Variants in TSC2 observed in about 807,000 individuals in gnomAD.
The protein encoded by TSC2 is tuberin.
In TSC2, 29 loss-of-function variants were observed where a neutral mutation model predicts 202.2. The ratio of observed to expected loss-of-function variants is 0.14; its 90% CI spans 0.11 to 0.20. The LOEUF (loss-of-function observed/expected upper bound fraction) is 0.20. Ranked by LOEUF, TSC2 falls within the 10% of genes least tolerant of loss-of-function variation. The pLI is 1.00. For synonymous variants in TSC2, 1,349 were observed against 1,044.0 expected, an observed-to-expected ratio of 1.29 and a Z score of -5.63; for missense variants, 2,429 against 2,420.0, an observed-to-expected ratio of 1.00 and a Z score of -0.08.
chr16:2,086,937 T>TGGCA (rs1445159213), intron 38 of TSC2, 66 bp downstream of exon 38: 3 of 1,546,086 alleles, frequency 1.9e-6, no homozygotes, highest in Admixed American at 3.9e-5. Context: ...CCCGGGTTGG[T>TGGCA]GGCAGGTCCT....
intron 33 of TSC2, 122 bp downstream of exon 33, chr16:2,083,938 C>T: frequency 6.9e-7 from 1 of 1,450,054 alleles, no homozygotes; most frequent in Non-Finnish European, 9.1e-7. Flanking sequence ...GATGTTCTTC[C>T]ACATCCCTCG....
Position 2,081,552 on chromosome 16 carries a change from G to T in TSC2, c.3611-43G>T. On this transcript the variant is annotated intron_variant, in intron 30 of 41. Coordinates refer to ENST00000219476, the MANE Select transcript of TSC2 (RefSeq NM_000548.5). The stretch of plus-strand genomic sequence containing the variant: ...CCCTGGGGGGCCAGAGATGGGTAAG[G>T]GGAGGTACTGGCCTCAGGCCAAAGG... 5.6e-6 allele frequency: 9 copies of T among 1,611,946 alleles called. No homozygotes were observed. The South Asian group carries it at 9.9e-5, about 18-fold the overall frequency.
At chr16:2,085,084 G>A (rs1459653139) in intron 35 of TSC2, 58 bp downstream of exon 35, 5 of 1,607,320 alleles carry the variant, frequency 3.1e-6, no homozygotes, top group Non-Finnish European at 4.3e-6. Flanking sequence ...GGTGAATGGT[G>A]GGGGGCCCAG....
At position 2,081,495 on chromosome 16, in the gene TSC2, T is replaced by C. The variant is rs370512781; in HGVS notation, c.3611-100T>C. 1.5e-5 allele frequency: 22 copies of C among 1,481,246 alleles called. No individual in the cohort carries two copies. In the African/African-American group the frequency reaches 2.8e-4, roughly 19 times the overall value. 91.8% of individuals were successfully genotyped at this position (1,481,246 alleles called of 1,614,324 possible). A position where few individuals can be genotyped will look rare whatever the true frequency, so the allele number is the denominator to read the frequency against. On this transcript the variant is annotated intron_variant, in intron 30 of 41. Transcript: ENST00000219476. Reference sequence around the variant, plus strand: ...GTCCTGAGGATTGTGGGAGGGAGCATGAGGGCAAAACCAGGGCCCAGGCCA... The same window carrying C: ...GTCCTGAGGATTGTGGGAGGGAGCACGAGGGCAAAACCAGGGCCCAGGCCA...
At chr16:2,077,243 G>A (rs764945137) in intron 25 of TSC2, among the ~76,000 whole-genome samples, 3 of 152,208 alleles carry the variant, frequency 2.0e-5, no homozygotes, top group South Asian at 2.1e-4. Context: ...AGAGCTGGGC[G>A]GTGCCTGCCT....
At chr16:2,083,339 G>C (rs1040722471) in intron 32 of TSC2, 20 of 462,382 alleles carry the variant, frequency 4.3e-5, no homozygotes, top group Non-Finnish European at 7.7e-5. Flanking sequence ...CCTCGGTTAC[G>C]AGGGCTGGTT....
chr16:2,080,036 G>A, intron 29 of TSC2, 129 bp from the exon 30 acceptor site: 2 of 1,302,976 alleles, frequency 1.5e-6, no homozygotes, highest in Non-Finnish European at 2.2e-6. Flanking sequence ...GTGCCCCAAG[G>A]GCAGAGCTGC....
Position 2,079,702 on chromosome 16 carries a change from C to T in TSC2, c.3397+33C>T, listed in dbSNP as rs1207925804. On this transcript the variant is annotated intron_variant, in intron 29 of 41. Transcript: ENST00000219476. The surrounding 1 kb of genome is among the most constrained non-coding windows in gnomAD (Gnocchi z 4.6). Reference sequence around the variant, plus strand: ...TTGGCCCCAGCCACCTCCACACAGGCACCGGGGCTCCCTCAGTTGCTGCTG... The same window carrying T: ...TTGGCCCCAGCCACCTCCACACAGGTACCGGGGCTCCCTCAGTTGCTGCTG... 2.2e-5 allele frequency: 34 copies of T among 1,544,140 alleles called. No homozygotes were observed. The highest frequency in any genetic ancestry group is 4.1e-5 in the African/African-American group (3 of 73,232).
chr16:2,066,770 C>T (rs904599393), intron 16 of TSC2, among the ~76,000 whole-genome samples: 1 of 148,844 alleles, frequency 6.7e-6, no homozygotes, highest in East Asian at 2.0e-4. Context: ...AGGCGATTCT[C>T]CTACCTCAGC....
rs45487103 is a variant in TSC2 at position 2,079,230 on chromosome 16, C to T, written c.3131+34C>T. On this transcript the variant is annotated intron_variant, in intron 27 of 41. Coordinates refer to ENST00000219476, the MANE Select transcript of TSC2 (RefSeq NM_000548.5). This position sits in a 1 kb window ranked among gnomAD's most constrained non-coding sequence, Gnocchi z 4.6. ...GGCACTACAGGGCTGGGCGGGCCTGCGGGAGCTCCACGGGCAAGCTGGGTT... is the reference window on the plus strand; with the variant it reads ...GGCACTACAGGGCTGGGCGGGCCTGTGGGAGCTCCACGGGCAAGCTGGGTT... The T allele has an allele frequency of 9.3e-4, 1,503 of 1,612,884 alleles. 3 individuals are homozygous for T. The highest frequency in any genetic ancestry group is 1.1e-3 in the Non-Finnish European group (1,309 of 1,180,012).
chr16:2,086,748 C>T lies in TSC2; in HGVS notation c.4866C>T (p.Ala1622=), dbSNP rs775723717. ...DDIMQAVFHI[A]TLMPTKDVDK... ...CACCCTCAGCCGTCTTCCACATCGC[C>T]ACCCTGATGCCCACCAAGGACGTGG... The change falls in exon 38 of 42, where the codon GCC becomes GCT. Residue 1622 remains alanine, a synonymous_variant. Transcript: ENST00000219476. 8.1e-6 allele frequency: 13 copies of T among 1,610,852 alleles called. No homozygotes were observed. The highest frequency in any genetic ancestry group is 4.5e-5 in the East Asian group (2 of 44,886).
At chr16:2,068,519 G>T (rs192276094) in intron 16 of TSC2, 4 of 152,282 alleles carry the variant, frequency 2.6e-5, no homozygotes, top group Admixed American at 1.3e-4. Flanking sequence ...GTCTATTAAT[G>T]TACAGCTCGT....
At chr16:2,082,569 C>A in intron 32 of TSC2, 65 bp downstream of exon 32, 1 of 1,569,910 alleles carries the variant, frequency 6.4e-7, no homozygotes, top group South Asian at 1.1e-5. Context: ...GTGCTGTGCT[C>A]GTCGCCTCAT....
chr16:2,056,846 T>C, intron 8 of TSC2, 77 bp downstream of exon 8: 60 of 1,595,586 alleles, frequency 3.8e-5, no homozygotes, highest in Non-Finnish European at 5.1e-5. Context: ...CTCCCATGAA[T>C]GGTTGTCTGA....
rs2151585097 is a variant in TSC2 at position 2,086,761 on chromosome 16, A to G, written c.4879A>G (p.Thr1627Ala). 1.2e-6 allele frequency: 2 copies of G among 1,611,140 alleles called. No individual in the cohort carries two copies. Among genetic ancestry groups the G allele is most frequent in the Non-Finnish European group, 1.7e-6 (2 of 1,179,948 alleles). Residue 1627 changes from threonine to alanine, a missense_variant, in exon 38 of 42, where the codon ACC becomes GCC. Transcript: ENST00000219476. ...CTTCCACATCGCCACCCTGATGCCC[A>G]CCAAGGACGTGGACAAGCACCGCTG... is the stretch of plus-strand genomic sequence containing the variant. ...AVFHIATLMP[T>A]KDVDKHRCDK... is the part of the protein sequence containing the mutation.
intron 11 of TSC2, chr16:2,061,124 G>C (rs2086585168): frequency 2.3e-6 from 1 of 434,234 alleles, no homozygotes; most frequent in Admixed American, 3.5e-5. Flanking sequence ...CCCCGGCACA[G>C]TTCCCAGAGG....
chr16:2,049,729 G>A (rs2084858733), intron 2 of TSC2, among the ~76,000 whole-genome samples: 1 of 151,508 alleles, frequency 6.6e-6, no homozygotes, highest in African/African-American at 2.4e-5. Flanking sequence ...GGGGGGCTGA[G>A]ACGAGAATTG....
rs779923426 is a variant in TSC2, at chr16:2,087,934, C to G, written c.5061C>G (p.Cys1687Trp). 6.2e-7 allele frequency: 1 copy of G among 1,605,102 alleles called. No homozygotes were observed. Among genetic ancestry groups the G allele is most frequent in the Non-Finnish European group, 8.5e-7 (1 of 1,174,450 alleles). The change falls in exon 39 of 42, where the codon TGC (cysteine) becomes TGG (tryptophan). Residue 1687 changes from cysteine (C) to tryptophan (W), a missense_variant. Cys to Trp is a radical substitution (Grantham distance 215). Coordinates refer to ENST00000219476, the MANE Select transcript of TSC2 (RefSeq NM_000548.5). The part of the protein sequence containing the change: ...DYECNLVSLQ[C>W]RKDMEGLVDT... The stretch of plus-strand genomic sequence containing the variant: ...AGTGCAACCTGGTGTCCCTGCAGTG[C>G]AGGAAAGGTAGGGCCGGGTGGGGCC...
chr16:2,072,767 T>A (rs2088668720), intron 20 of TSC2, 82 bp from the exon 21 acceptor site: 1 of 1,606,182 alleles, frequency 6.2e-7, no homozygotes, highest in South Asian at 1.1e-5. Flanking sequence ...TGGGCCTGCG[T>A]TCCCAGGGCC....
Sources: allele counts gnomAD v4.1 joint callset (sites outside exome capture counted in the v4.1 genomes callset), GRCh38; gene constraint gnomAD v4.1.1; non-coding constraint Gnocchi (gnomAD v3.1); transcripts MANE v1.5; gene names NCBI Gene and HGNC (gene_info 2026-07-23, HGNC 2026-07-21).